Variants in SDHA observed in about 807,000 individuals in gnomAD.
The protein encoded by SDHA is succinate dehydrogenase [ubiquinone] flavoprotein subunit, mitochondrial.
A neutral mutation model predicts 78.4 loss-of-function variants in SDHA; 48 were observed. That is an observed-to-expected ratio of 0.61 (90% CI 0.49 to 0.78). SDHA has a LOEUF of 0.78. Among genes scored for constraint, SDHA ranks in the 30% least tolerant of loss-of-function variants. The probability of loss-of-function intolerance (pLI) is 0.00; values close to 1 mark genes in which losing one functional copy is unlikely to be tolerated. For synonymous variants in SDHA, 326 were observed against 353.9 expected (o/e 0.92, Z 0.88); for missense variants, 680 against 892.7 (o/e 0.76, Z 3.04).
chr5:247,107 T>C (rs1164647644), intron 11 of SDHA, among the ~76,000 whole-genome samples: 1 of 152,226 alleles, frequency 6.6e-6, no homozygotes, highest in Non-Finnish European at 1.5e-5. Flanking sequence ...AGCTTCTTAC[T>C]CTGGCTCGAA....
chr5:235,278 T>A lies in SDHA; in HGVS notation c.1199T>A (p.Ile400Asn), dbSNP rs876660886. The change falls in exon 9 of 15, where the codon ATC becomes AAC. Residue 400 changes from isoleucine to asparagine, a missense_variant. Transcript: ENST00000264932. ...FAGVDVTKEP[I>N]PVLPTVHYNM... ...GGCGTGGACGTCACGAAGGAGCCGA[T>A]CCCTGTCCTCCCCACCGTGCATTAT... The A allele has an allele frequency of 6.2e-7, 1 of 1,614,080 alleles. No homozygotes were observed. Among genetic ancestry groups the A allele is most frequent in the Non-Finnish European group, 8.5e-7 (1 of 1,179,986 alleles).
chr5:233,094 T>C (rs149352371), intron 7 of SDHA, among the ~76,000 whole-genome samples: 1,871 of 152,374 alleles, frequency 0.012, 42 homozygotes, highest in African/African-American at 0.043. Flanking sequence ...ATAATTTAGA[T>C]ATGAATACTT....
chr5:236,656 C>A, intron 10 of SDHA, 57 bp downstream of exon 10: 2 of 1,567,124 alleles, frequency 1.3e-6, no homozygotes, highest in Non-Finnish European at 8.8e-7. Context: ...GTTAGAAAGT[C>A]TTTTTTCTTT....
intron 11 of SDHA, among the ~76,000 whole-genome samples, chr5:242,912 T>A (rs1290045843): frequency 6.6e-6 from 1 of 152,178 alleles, no homozygotes; most frequent in Non-Finnish European, 1.5e-5. Flanking sequence ...CAGGTTTGTT[T>A]GCCAACTAAA....
chr5:226,249 G>A (rs1243619562), intron 5 of SDHA, among the ~76,000 whole-genome samples: 1 of 152,084 alleles, frequency 6.6e-6, no homozygotes, highest in East Asian at 1.9e-4. Context: ...AAGGCAGTGT[G>A]TGACTTCTTG....
chr5:231,659 G>T (rs1735411405), intron 7 of SDHA, among the ~76,000 whole-genome samples: 2 of 152,090 alleles, frequency 1.3e-5, no homozygotes, highest in Admixed American at 1.3e-4. Context: ...CGTTAGCTGT[G>T]GTGCTCCATG....
At chr5:245,070 A>T (rs1736364302) in intron 11 of SDHA, among the ~76,000 whole-genome samples, 1 of 152,244 alleles carries the variant, frequency 6.6e-6, no homozygotes, top group Non-Finnish European at 1.5e-5. Context: ...CAATTTGGAT[A>T]GAACAATGGC....
intron 5 of SDHA, among the ~76,000 whole-genome samples, chr5:227,057 C>T (rs1449462881): frequency 1.3e-5 from 2 of 152,070 alleles, no homozygotes; most frequent in Admixed American, 6.5e-5. Flanking sequence ...GTCACCCAGG[C>T]TGGAGTGCAG....
At position 221,959 on chromosome 5, in the gene SDHA, G is replaced by C. The variant is rs182377905; in HGVS notation, c.64-1523G>C. On this transcript the variant is annotated intron_variant, in intron 1 of 14. Coordinates refer to ENST00000264932, the MANE Select transcript of SDHA (RefSeq NM_004168.4). Reference sequence around the variant, plus strand: ...ATCCTAGAAAGAACGAATAAACATTGAGTGATCTCACTGTTTCTACTTACA... The same window carrying C: ...ATCCTAGAAAGAACGAATAAACATTCAGTGATCTCACTGTTTCTACTTACA... Among the ~76,000 whole-genome samples, 76 of 152,262 alleles carry C rather than the reference G, an allele frequency of 5.0e-4. 1 individual carries two copies. In the East Asian group the frequency reaches 0.014, roughly 29 times the overall value.
the SDHA span, among the ~76,000 whole-genome samples, chr5:266,673 G>C: frequency 6.6e-6 from 1 of 152,174 alleles, no homozygotes; most frequent in Non-Finnish European, 1.5e-5. Context: ...ATTGCCCAGA[G>C]AGGAGATGTG....
At chr5:224,329 T>C (rs376055052) in intron 2 of SDHA, 31 bp from the exon 3 acceptor site, 1 of 1,608,934 alleles carries the variant, frequency 6.2e-7, no homozygotes, top group Non-Finnish European at 8.5e-7. Context: ...TAGTGGAACA[T>C]GTGATTGACA....
intron 2 of SDHA, among the ~76,000 whole-genome samples, chr5:223,775 G>C (rs3213838): frequency 0.24 from 36,479 of 151,966 alleles, 6,820 homozygotes; most frequent in African/African-American, 0.52. Flanking sequence ...ACTTGTATCT[G>C]TTATGTATCT....
chr5:231,230 T>C (rs778067752), intron 7 of SDHA, among the ~76,000 whole-genome samples: 1 of 152,136 alleles, frequency 6.6e-6, no homozygotes, highest in East Asian at 1.9e-4. Flanking sequence ...TCAAGAGCGC[T>C]AAACCCTGCC....
At chr5:268,401 C>A in the SDHA span, among the ~76,000 whole-genome samples, 1 of 152,058 alleles carries the variant, frequency 6.6e-6, no homozygotes, top group African/African-American at 2.4e-5. Context: ...CCAGGATGGT[C>A]TTGATCCACC....
intron 14 of SDHA, among the ~76,000 whole-genome samples, chr5:255,850 C>G (rs192822417): frequency 1.3e-3 from 194 of 152,314 alleles, no homozygotes; most frequent in African/African-American, 4.5e-3. Flanking sequence ...ATGTGCCTAC[C>G]TTTTCCTGTG....
chr5:224,838 G>A (rs143670796), intron 3 of SDHA: 230 of 416,684 alleles, frequency 5.5e-4, no homozygotes, highest in African/African-American at 4.5e-3. Flanking sequence ...CTAAAGAGGA[G>A]GAATCAGAAT....
intron 9 of SDHA, chr5:235,681 C>A: frequency 2.7e-6 from 1 of 374,000 alleles, no homozygotes; most frequent in South Asian, 2.2e-5. Context: ...CAGAGCTTGT[C>A]AGTCACTTAG....
rs192621717 is a variant in SDHA at position 227,219 on chromosome 5, A to G, written c.622-966A>G. ...AGAGACAGGGTTTCCCATGTTGCCC[A>G]GGCTGGTCCCGAACTCCTGAGCTCA... On this transcript the variant is annotated intron_variant, in intron 5 of 14. Transcript: ENST00000264932. Among the ~76,000 whole-genome samples, 389 of 152,272 alleles carry G rather than the reference A, an allele frequency of 2.6e-3. 1 individual carries two copies. Among genetic ancestry groups the G allele is most frequent in the African/African-American group, 8.9e-3 (369 of 41,574 alleles).
At position 218,351 on chromosome 5, in the gene SDHA, C is replaced by T. The variant is rs572126995; in HGVS notation, c.-5C>T. ...TGGCGGGACTGCGCGGCGGCAACAGCAGACATGTCGGGGGTCCGGGGCCTG... is the reference window on the plus strand; with the variant it reads ...TGGCGGGACTGCGCGGCGGCAACAGTAGACATGTCGGGGGTCCGGGGCCTG... On this transcript the variant is annotated 5_prime_UTR_variant, in exon 1 of 15. Transcript: ENST00000264932. 1.1e-5 allele frequency: 16 copies of T among 1,458,206 alleles called. No homozygotes were observed. The East Asian group carries it at 3.3e-4, about 30-fold the overall frequency. The allele number at this position is 1,458,206 out of a possible 1,614,324, so 90.3% of individuals were successfully genotyped here.
Sources: gnomAD v4.1 joint callset for allele counts (sites outside exome capture counted in the v4.1 genomes callset) on GRCh38, gnomAD v4.1.1 for gene constraint, MANE v1.5 for transcripts, NCBI Gene and HGNC (gene_info 2026-07-23, HGNC 2026-07-21) for gene names.